The following SMARCD1 variants were observed in gnomAD, a reference collection of about 807,000 sequenced individuals.
The protein encoded by SMARCD1 is SWI/SNF related BAF chromatin remodeling complex subunit D1.
In SMARCD1, 16 loss-of-function variants were observed where a neutral mutation model predicts 70.8. That is an observed-to-expected ratio of 0.23 (90% CI 0.15 to 0.34). The LOEUF (loss-of-function observed/expected upper bound fraction) is 0.34, where lower values mean the gene tolerates loss of function less well. Ranked by LOEUF, SMARCD1 falls within the 10% of genes least tolerant of loss-of-function variation. The pLI is 1.00. For synonymous variants in SMARCD1, 249 were observed against 246.0 expected, an observed-to-expected ratio of 1.01 and a Z score of -0.11; for missense variants, 409 against 655.5, an observed-to-expected ratio of 0.62 and a Z score of 4.11.
chr12:50,086,715 G>C, intron 3 of SMARCD1, 41 bp from the exon 4 acceptor site: 2 of 1,614,040 alleles, frequency 1.2e-6, no homozygotes, highest in East Asian at 4.5e-5. Context: ...TGAGTATAGA[G>C]ATGATCATCC....
intron 4 of SMARCD1, 163 bp downstream of exon 4, chr12:50,087,041 C>A: frequency 1.3e-6 from 1 of 757,506 alleles, no homozygotes; most frequent in Non-Finnish European, 2.1e-6. Context: ...AGGATAAGAA[C>A]AGAATGGCAA....
chr12:50,091,144 T>C (rs1258915324), intron 9 of SMARCD1, among the ~76,000 whole-genome samples: 1 of 151,778 alleles, frequency 6.6e-6, no homozygotes, highest in East Asian at 1.9e-4. Context: ...GCCCAGCCTG[T>C]ATTTGTGCTC....
At chr12:50,090,728 C>A in intron 9 of SMARCD1, 138 bp downstream of exon 9, 7 of 516,810 alleles carry the variant, frequency 1.4e-5, no homozygotes, top group East Asian at 1.3e-4. Flanking sequence ...AATTAAATTA[C>A]ATAAACTTAT....
chr12:50,086,703 T>A (rs1950794936), intron 3 of SMARCD1, 40 bp downstream of exon 3: 1 of 1,613,860 alleles, frequency 6.2e-7, no homozygotes, highest in South Asian at 1.1e-5. Flanking sequence ...GTGTGGTGAG[T>A]TTGAGTATAG....
intron 1 of SMARCD1, 45 bp downstream of exon 1, chr12:50,085,591 G>A (rs1381923621): frequency 1.6e-6 from 2 of 1,213,118 alleles, no homozygotes; most frequent in Non-Finnish European, 2.1e-6. Context: ...GGGCGGGGCC[G>A]AGCGGGGACA....
At chr12:50,086,113 GT>G (rs747824818) in intron 1 of SMARCD1, 47 bp from the exon 2 acceptor site, 1 of 1,376,832 alleles carries the variant, frequency 7.3e-7, no homozygotes, top group Non-Finnish European at 9.7e-7. Flanking sequence ...TCTTGATGGG[GT>G]TTAGCAGGTG....
At chr12:50,094,718 CAAAT>C (rs1950877157) in intron 10 of SMARCD1, 146 bp downstream of exon 10, 1 of 720,712 alleles carries the variant, frequency 1.4e-6, no homozygotes. Flanking sequence ...GAGCCAGACT[CAAAT>C]GAATTCTGAT....
intron 9 of SMARCD1, among the ~76,000 whole-genome samples, chr12:50,092,082 A>G (rs1424031599): frequency 2.0e-5 from 3 of 152,082 alleles, no homozygotes; most frequent in African/African-American, 7.2e-5. Context: ...TTTGTTTAGA[A>G]GCTGGAGAGC....
At chr12:50,096,824 G>T (rs548242573) in intron 10 of SMARCD1, 26 bp from the exon 11 acceptor site, 1 of 1,587,360 alleles carries the variant, frequency 6.3e-7, no homozygotes, top group Admixed American at 1.7e-5. Context: ...GTTTGAAAAT[G>T]GTATGAGCTT....
chr12:50,100,345 G>C lies in SMARCD1; in HGVS notation c.*1345G>C, dbSNP rs1468584582. The C allele has an allele frequency of 8.0e-6, 1 of 124,418 alleles. No individual in the cohort carries two copies. The highest frequency in any genetic ancestry group is 3.2e-5 in the African/African-American group (1 of 31,018). The allele number at this position is 124,418 out of a possible 1,614,324, so 7.7% of individuals were successfully genotyped here. Reference sequence around the variant, plus strand: ...CCCCACCCCCTCCTCAGGCTCCTGCGAGCACACCCCCACCCCCAAATCCCT... The same window carrying C: ...CCCCACCCCCTCCTCAGGCTCCTGCCAGCACACCCCCACCCCCAAATCCCT... On this transcript the variant is annotated 3_prime_UTR_variant, in exon 13 of 13. Coordinates refer to ENST00000394963, the MANE Select transcript of SMARCD1 (RefSeq NM_003076.5).
In SMARCD1 at chr12:50,099,564, A is replaced by C. The variant is rs183142622; in HGVS notation, c.*564A>C. The stretch of plus-strand genomic sequence containing the variant: ...TGGTTCTTGGGCTCCACTGAGCCCC[A>C]GGTCAGTCCCCAGCCCTCTGGGTTG... On this transcript the variant is annotated 3_prime_UTR_variant, in exon 13 of 13. Coordinates refer to ENST00000394963, the MANE Select transcript of SMARCD1 (RefSeq NM_003076.5). 2.6e-6 allele frequency: 1 copy of C among 378,236 alleles called. No individual in the cohort carries two copies. The highest frequency in any genetic ancestry group is 3.8e-5 in the East Asian group (1 of 26,284). The allele number at this position is 378,236 out of a possible 1,614,324, so 23.4% of individuals were successfully genotyped here.
intron 10 of SMARCD1, among the ~76,000 whole-genome samples, chr12:50,095,332 CT>C (rs889399746): frequency 7.6e-4 from 110 of 144,278 alleles, no homozygotes; most frequent in Admixed American, 5.5e-4. Context: ...TAAATCTTTT[CT>C]TTTTTTTTTT....
At chr12:50,085,761 C>T (rs1272888150) in intron 1 of SMARCD1, 3 of 423,436 alleles carry the variant, frequency 7.1e-6, no homozygotes, top group Non-Finnish European at 1.2e-5. Flanking sequence ...GGTAGAGAAC[C>T]TGGGTGGGTG....
At chr12:50,092,233 TTC>T (rs899525629) in intron 9 of SMARCD1, among the ~76,000 whole-genome samples, 9 of 109,202 alleles carry the variant, frequency 8.2e-5, no homozygotes, top group South Asian at 5.6e-4. Flanking sequence ...TTTTCTTTCT[TTC>T]TTTTTTTTTT....
intron 9 of SMARCD1, among the ~76,000 whole-genome samples, chr12:50,092,013 C>G (rs1950848094): frequency 6.6e-6 from 1 of 152,190 alleles, no homozygotes; most frequent in Admixed American, 6.5e-5. Context: ...GCCATCTTTT[C>G]TCTGGATGGT....
Position 50,099,559 on chromosome 12 carries a change from G to A in SMARCD1, c.*559G>A, listed in dbSNP as rs940142052. On this transcript the variant is annotated 3_prime_UTR_variant, in exon 13 of 13. Coordinates refer to ENST00000394963, the MANE Select transcript of SMARCD1 (RefSeq NM_003076.5). ...AACCCTGGTTCTTGGGCTCCACTGA[G>A]CCCCAGGTCAGTCCCCAGCCCTCTG... 1 of 380,588 alleles carries A rather than the reference G, an allele frequency of 2.6e-6. No homozygotes were observed. The allele number at this position is 380,588 out of a possible 1,614,324, so 23.6% of individuals were successfully genotyped here.
At chr12:50,090,091 A>G in intron 7 of SMARCD1, 106 bp downstream of exon 7, 3 of 1,299,792 alleles carry the variant, frequency 2.3e-6, no homozygotes, top group Middle Eastern at 1.9e-4. Flanking sequence ...CCACTTTGGC[A>G]CAGAGATAGA....
rs761191907 is a variant in SMARCD1 at position 50,089,993 on chromosome 12, G to A, written c.873+8G>A. The A allele has an allele frequency of 1.2e-6, 2 of 1,607,672 alleles. No homozygotes were observed. The highest frequency in any genetic ancestry group is 3.3e-5 in the Admixed American group (2 of 59,986). Reference sequence around the variant, plus strand: ...CTGATGCTGGATTACCAGGTATTCTGTGGTGGTGTGAGGGGGTCCAGCTTT... The same window carrying A: ...CTGATGCTGGATTACCAGGTATTCTATGGTGGTGTGAGGGGGTCCAGCTTT... On this transcript the variant is annotated splice_region_variant and intron_variant, in intron 7 of 12. Coordinates refer to ENST00000394963, the MANE Select transcript of SMARCD1 (RefSeq NM_003076.5).
Position 50,086,760 on chromosome 12 carries a change from G to A in SMARCD1, c.413G>A (p.Arg138His), listed in dbSNP as rs147034181. The change falls in exon 4 of 13, where the codon CGT (arginine) becomes CAT (histidine). Residue 138 changes from arginine (R) to histidine (H), a missense_variant. By Grantham distance (29) the Arg-to-His change is conservative (BLOSUM62 0). Transcript: ENST00000394963. ...ATTAATTTTTCTGTTCCTAAGATTC[G>A]TGAACTGGTACCAGAATCCCAGGCC... ...MADKILPQRI[R>H]ELVPESQAYM... 3.1e-6 allele frequency: 5 copies of A among 1,614,000 alleles called. No homozygotes were observed. The highest frequency in any genetic ancestry group is 2.2e-5 in the South Asian group (2 of 91,076).
Sources: gnomAD v4.1 joint callset for allele counts (sites outside exome capture counted in the v4.1 genomes callset) on GRCh38, gnomAD v4.1.1 for gene constraint, MANE v1.5 for transcripts, NCBI Gene and HGNC (gene_info 2026-07-23, HGNC 2026-07-21) for gene names.